CYFIP1: variants seen among roughly 807,000 people sequenced by gnomAD.
CYFIP1 encodes cytoplasmic FMR1 interacting protein 1.
A neutral mutation model predicts 163.5 loss-of-function variants in CYFIP1; 58 were observed. The ratio of observed to expected loss-of-function variants is 0.35; its 90% CI spans 0.29 to 0.44. The LOEUF is 0.44. CYFIP1 is among the 20% of genes least tolerant of loss of function. The probability of loss-of-function intolerance (pLI) is 1.00; values close to 1 mark genes in which losing one functional copy is unlikely to be tolerated. For missense variants in CYFIP1, 1,338 were observed against 1,653.8 expected (o/e 0.81, Z 3.31); for synonymous variants, 663 against 660.7 (o/e 1.00, Z -0.05).
Position 22,910,760 on chromosome 15 carries a change from G to A in CYFIP1, c.2136C>T (p.Ala712=). Residue 712 remains alanine (A), a synonymous_variant, in exon 19 of 31, where the codon GCC becomes GCT. Coordinates refer to ENST00000617928, the MANE Select transcript of CYFIP1 (RefSeq NM_014608.6). Reference sequence around the variant, plus strand: ...ACCTTCCTGCCATAACCTTATAATAGGCAAATATCTGGTCTGCTAGCTTGT... The same window carrying A: ...ACCTTCCTGCCATAACCTTATAATAAGCAAATATCTGGTCTGCTAGCTTGT... ...FVYKLADQIF[A]YYKVMAGSLL... 1.2e-6 allele frequency: 2 copies of A among 1,613,918 alleles called. No individual in the cohort carries two copies. Among genetic ancestry groups the A allele is most frequent in the Non-Finnish European group, 1.7e-6 (2 of 1,179,824 alleles).
chr15:22,978,296 G>A (rs1457607450), intron 1 of CYFIP1, among the ~76,000 whole-genome samples: 2 of 140,202 alleles, frequency 1.4e-5, no homozygotes, highest in Non-Finnish European at 3.0e-5. Flanking sequence ...AGGTTGTGGC[G>A]AGCCGAGTTT....
At chr15:22,940,191 C>G (rs1391956431) in intron 6 of CYFIP1, among the ~76,000 whole-genome samples, 1 of 152,190 alleles carries the variant, frequency 6.6e-6, no homozygotes, top group African/African-American at 2.4e-5. Context: ...AAGGATAGGT[C>G]TGTGCAACCC....
At chr15:22,956,480 TTGTA>T (rs1248927461) in intron 1 of CYFIP1, among the ~76,000 whole-genome samples, 1 of 151,974 alleles carries the variant, frequency 6.6e-6, no homozygotes. Flanking sequence ...AAAAAAAAGT[TTGTA>T]TGTGTGAGTG....
chr15:22,950,854 C>T (rs1280447480), intron 1 of CYFIP1, among the ~76,000 whole-genome samples: 1 of 152,210 alleles, frequency 6.6e-6, no homozygotes, highest in African/African-American at 2.4e-5. Context: ...ATGCCTGCGC[C>T]GCCCATCTCA....
chr15:22,920,903 A>T (rs545634929), intron 13 of CYFIP1, among the ~76,000 whole-genome samples: 14 of 152,332 alleles, frequency 9.2e-5, no homozygotes, highest in African/African-American at 3.4e-4. Flanking sequence ...TGAACATAAC[A>T]ATCCTACATA....
chr15:22,964,087 A>G (rs1743052917), intron 1 of CYFIP1, among the ~76,000 whole-genome samples: 1 of 151,812 alleles, frequency 6.6e-6, no homozygotes, highest in African/African-American at 2.4e-5. Context: ...ATACAATCAG[A>G]GGTTTACATA....
At chr15:22,944,414 G>T in intron 5 of CYFIP1, 144 bp downstream of exon 5, 1 of 623,686 alleles carries the variant, frequency 1.6e-6, no homozygotes. Context: ...ACTGTCAAAG[G>T]CTTGGTCCCT....
At chr15:22,873,825 T>A in intron 28 of CYFIP1, 96 bp from the exon 29 acceptor site, 1 of 1,136,588 alleles carries the variant, frequency 8.8e-7, no homozygotes, top group Non-Finnish European at 1.3e-6. Context: ...AGGGTCTTGC[T>A]CTGCTGCCTA....
At chr15:22,881,225 T>A (rs1689927964) in intron 25 of CYFIP1, among the ~76,000 whole-genome samples, 1 of 152,206 alleles carries the variant, frequency 6.6e-6, no homozygotes, top group South Asian at 2.1e-4. Context: ...CAGGCTCAAG[T>A]CGCTTTACAA....
intron 1 of CYFIP1, among the ~76,000 whole-genome samples, chr15:22,967,565 C>A (rs1457202266): frequency 6.6e-6 from 1 of 152,060 alleles, no homozygotes; most frequent in African/African-American, 2.4e-5. Context: ...GGCCCCACCA[C>A]AGCCCGCAGC....
At chr15:22,891,974 T>C (rs1422190644) in intron 23 of CYFIP1, among the ~76,000 whole-genome samples, 1 of 152,216 alleles carries the variant, frequency 6.6e-6, no homozygotes, top group Non-Finnish European at 1.5e-5. Context: ...TGTCCTGTGA[T>C]TGTCCCCGCT....
At chr15:22,941,000 CCACCG>C (rs2061876470) in intron 6 of CYFIP1, among the ~76,000 whole-genome samples, 1 of 152,166 alleles carries the variant, frequency 6.6e-6, no homozygotes, top group Non-Finnish European at 1.5e-5. Flanking sequence ...CAAGATCGTG[CCACCG>C]CACTCCAGCC....
Position 22,947,092 on chromosome 15 carries a change from G to C in CYFIP1, c.118C>G (p.Pro40Ala). The C allele has an allele frequency of 6.2e-7, 1 of 1,614,102 alleles. No individual in the cohort carries two copies. Among genetic ancestry groups the C allele is most frequent in the Non-Finnish European group, 8.5e-7 (1 of 1,179,974 alleles). The change falls in exon 3 of 31, where the codon CCA becomes GCA. Residue 40 changes from proline to alanine, a missense_variant and splice_region_variant. Transcript: ENST00000617928. ...TCTTCAAAGTTAGTGTTGAAATTTG[G>C]CTGAAGGAAAGGAAGAGAAAAACAT... ...EPPPSSLLYQ[P>A]NFNTNFEDRN...
rs1417228805 is a variant in CYFIP1 at position 22,882,945 on chromosome 15, G to C, written c.2743C>G (p.Gln915Glu). The C allele has an allele frequency of 1.8e-5, 29 of 1,613,972 alleles. No individual in the cohort carries two copies. The highest frequency in any genetic ancestry group is 6.7e-5 in the East Asian group (3 of 44,892). Residue 915 changes from glutamine to glutamate, a missense_variant, in exon 24 of 31, where the codon CAA becomes GAA. Transcript: ENST00000617928. ...YRNFVGPPHF[Q>E]VICRLLGYQG... ...TAGCCGAGAAGCCGGCAGATGACTT[G>C]AAAGTGTGGAGGTCCCACGAAGTTC...
chr15:22,943,661 G>C (rs779681488), intron 5 of CYFIP1, among the ~76,000 whole-genome samples: 1 of 152,192 alleles, frequency 6.6e-6, no homozygotes, highest in Non-Finnish European at 1.5e-5. Context: ...GTAAAATTCA[G>C]ATGTTCTAAC....
Position 22,947,203 on chromosome 15 carries a change from C to G in CYFIP1, c.83G>C (p.Cys28Ser). The change falls in exon 2 of 31, where the codon TGC becomes TCC. Residue 28 changes from cysteine to serine, a missense_variant. Cys to Ser is a moderately radical substitution (Grantham distance 112). Transcript: ENST00000617928. Reference sequence around the variant, plus strand: ...CAGCGAGGATGGCGGGGGCTCGATGCAGGGCTGCTGGTCGGGCAGGGGCAG... The same window carrying G: ...CAGCGAGGATGGCGGGGGCTCGATGGAGGGCTGCTGGTCGGGCAGGGGCAG... ...EELPLPDQQPCIEPPPSSLLY... is the reference protein window; with the variant it reads ...EELPLPDQQPSIEPPPSSLLY... 6.2e-7 allele frequency: 1 copy of G among 1,614,070 alleles called. No homozygotes were observed. Among genetic ancestry groups the G allele is most frequent in the Non-Finnish European group, 8.5e-7 (1 of 1,180,000 alleles).
At chr15:22,894,883 T>A (rs1326413975) in intron 22 of CYFIP1, among the ~76,000 whole-genome samples, 4 of 143,398 alleles carry the variant, frequency 2.8e-5, no homozygotes, top group Admixed American at 6.9e-5. Flanking sequence ...ATATATTTTT[T>A]TTTTTTTTGT....
At chr15:22,951,875 C>T (rs979166153) in intron 1 of CYFIP1, among the ~76,000 whole-genome samples, 2 of 152,134 alleles carry the variant, frequency 1.3e-5, no homozygotes, top group African/African-American at 4.8e-5. Flanking sequence ...CCACTGATGT[C>T]GAACCCACGG....
chr15:22,964,684 G>A (rs768961211), intron 1 of CYFIP1, among the ~76,000 whole-genome samples: 1 of 152,134 alleles, frequency 6.6e-6, no homozygotes, highest in African/African-American at 2.4e-5. Context: ...CATCTCAGCC[G>A]CTTGCACTTC....
Sources: gnomAD v4.1 joint callset for allele counts (sites outside exome capture counted in the v4.1 genomes callset) on GRCh38, gnomAD v4.1.1 for gene constraint, MANE v1.5 for transcripts, NCBI Gene and HGNC (gene_info 2026-07-23, HGNC 2026-07-21) for gene names.